Variants in RGL4 observed in about 807,000 individuals in gnomAD.
RGL4 encodes the protein ral-GDS-related protein.
Under a neutral mutation model 49.6 loss-of-function variants are expected in RGL4, and 41 were observed. The ratio of observed to expected loss-of-function variants is 0.83; its 90% CI spans 0.64 to 1.07. The LOEUF is 1.07. RGL4 is among the 50% of genes least tolerant of loss of function. The pLI, the probability that RGL4 is intolerant of heterozygous loss-of-function variation, is 0.00. For synonymous variants in RGL4, 255 were observed against 238.0 expected (o/e 1.07, Z -0.66); for missense variants, 610 against 591.9 (o/e 1.03, Z -0.32).
At chr22:23,698,603 A>G (rs1162882336) in intron 10 of RGL4, 3 of 728,240 alleles carry the variant, frequency 4.1e-6, no homozygotes, top group South Asian at 1.5e-5. Flanking sequence ...CCTGGCCTCA[A>G]GCAATCCACC....
At position 23,692,692 on chromosome 22, in the gene RGL4, C is replaced by G; in HGVS notation, c.397C>G (p.His133Asp). The G allele has an allele frequency of 6.2e-7, 1 of 1,608,096 alleles. No homozygotes were observed. The change falls in exon 3 of 11, where the codon CAC becomes GAC. Residue 133 changes from histidine to aspartate, a missense_variant. Transcript: ENST00000290691. Reference protein sequence around the residue: ...PDDPAPRPGQHALTMPALEPA... With the variant: ...PDDPAPRPGQDALTMPALEPA... ...AGATCCTGCTCCACGTCCTGGGCAA[C>G]ACGCATTAACAATGCCGGCCCTGGA...
In RGL4 at chr22:23,698,904, G is replaced by T. The variant is rs1351084045; in HGVS notation, c.*21G>T. The stretch of plus-strand genomic sequence containing the variant: ...CGTAGGCTGGCAACATCCTGCAGTG[G>T]CTGGGAACCCACCGGGATGCTGGCC... On this transcript the variant is annotated 3_prime_UTR_variant, in exon 11 of 11. Coordinates refer to ENST00000290691, the MANE Select transcript of RGL4 (RefSeq NM_153615.2). 1 of 1,611,928 alleles carries T rather than the reference G, an allele frequency of 6.2e-7. No homozygotes were observed. The highest frequency in any genetic ancestry group is 8.5e-7 in the Non-Finnish European group (1 of 1,179,144).
chr22:23,693,440 T>C lies in RGL4; in HGVS notation c.697-319T>C, dbSNP rs577696512. Among the ~76,000 whole-genome samples, 50 of 152,232 alleles carry C rather than the reference T, an allele frequency of 3.3e-4. 1 individual carries two copies. Among genetic ancestry groups the C allele is most frequent in the African/African-American group, 1.2e-3 (49 of 41,552 alleles). On this transcript the variant is annotated intron_variant, in intron 3 of 10. Transcript: ENST00000290691. Reference sequence around the variant, plus strand: ...AGGAGTAGTAGAGGGCTGATTGGGATGGGAGGAAGACGAGGCCTCAGGATG... The same window carrying C: ...AGGAGTAGTAGAGGGCTGATTGGGACGGGAGGAAGACGAGGCCTCAGGATG...
Position 23,698,269 on chromosome 22 carries a change from C to T in RGL4, c.1318C>T (p.Leu440Phe). 9.3e-6 allele frequency: 15 copies of T among 1,612,368 alleles called. No homozygotes were observed. Among genetic ancestry groups the T allele is most frequent in the Non-Finnish European group, 1.3e-5 (15 of 1,178,500 alleles). Residue 440 changes from leucine to phenylalanine, a missense_variant, in exon 10 of 11, where the codon CTT becomes TTT. By Grantham distance (22) the Leu-to-Phe change is conservative. Coordinates refer to ENST00000290691, the MANE Select transcript of RGL4 (RefSeq NM_153615.2). Reference sequence around the variant, plus strand: ...CCAAGTGGCTGCCATGAATTACAGGCTTCGGCCTCTTGAGAAATTTGTCAC... The same window carrying T: ...CCAAGTGGCTGCCATGAATTACAGGTTTCGGCCTCTTGAGAAATTTGTCAC... ...LLQVAAMNYR[L>F]RPLEKFVTYF...
In RGL4 at chr22:23,698,260, A is replaced by G. The variant is rs557255955; in HGVS notation, c.1309A>G (p.Asn437Asp). The G allele has an allele frequency of 5.0e-6, 8 of 1,612,246 alleles. No homozygotes were observed. In the South Asian group the frequency reaches 7.7e-5, roughly 15 times the overall value. The change falls in exon 10 of 11, where the codon AAT (asparagine) becomes GAT (aspartate). Residue 437 changes from asparagine to aspartate, a missense_variant. By Grantham distance (23) the Asn-to-Asp change is conservative (BLOSUM62 1). Transcript: ENST00000290691. ...EMQLLQVAAMNYRLRPLEKFV... is the reference protein window; with the variant it reads ...EMQLLQVAAMDYRLRPLEKFV... The stretch of plus-strand genomic sequence containing the variant: ...GCAGCTGCTCCAAGTGGCTGCCATG[A>G]ATTACAGGCTTCGGCCTCTTGAGAA...
At chr22:23,694,575 C>A in intron 5 of RGL4, 125 bp downstream of exon 5, 1 of 715,778 alleles carries the variant, frequency 1.4e-6, no homozygotes, top group Non-Finnish European at 2.5e-6. Flanking sequence ...AGGGATGGGC[C>A]GGTGGCTGTG....
At position 23,698,156 on chromosome 22, in the gene RGL4, G is replaced by A. The variant is rs1923632998; in HGVS notation, c.1261-56G>A. On this transcript the variant is annotated intron_variant, in intron 9 of 10. Coordinates refer to ENST00000290691, the MANE Select transcript of RGL4 (RefSeq NM_153615.2). ...CAGCCCCTTCTCCCTGCCTGCCAAA[G>A]GCCCCCACAGCAACTTCCACCCAGG... 23 of 1,572,918 alleles carry A rather than the reference G, an allele frequency of 1.5e-5. No homozygotes were observed. The South Asian group carries it at 2.1e-4, about 14-fold the overall frequency.
At chr22:23,694,789 G>T in intron 5 of RGL4, 161 bp from the exon 6 acceptor site, 1 of 656,424 alleles carries the variant, frequency 1.5e-6, no homozygotes, top group Non-Finnish European at 2.7e-6. Context: ...GAGCATGAGA[G>T]GTCCCACCCT....
rs1923190623 is a variant in RGL4 at position 23,692,332 on chromosome 22, C to A, written c.180-3C>A. ...CTGACTCAGCTGTCTACTCCATCAC[C>A]AGCACCATCACCTCCATTTTGTTCA... On this transcript the variant is annotated splice_polypyrimidine_tract_variant and splice_region_variant and intron_variant, in intron 1 of 10. Transcript: ENST00000290691. 6 of 1,613,868 alleles carry A rather than the reference C, an allele frequency of 3.7e-6. No individual in the cohort carries two copies. The highest frequency in any genetic ancestry group is 5.1e-6 in the Non-Finnish European group (6 of 1,179,832).
chr22:23,696,792 C>G (rs1171870502), intron 7 of RGL4, 104 bp downstream of exon 7: 20 of 965,070 alleles, frequency 2.1e-5, no homozygotes, highest in African/African-American at 3.3e-5. Flanking sequence ...GGCTTCCTCC[C>G]CAGCCCTGTC....
In RGL4 at chr22:23,693,547, G is replaced by A. The variant is rs150156973; in HGVS notation, c.697-212G>A. Reference sequence around the variant, plus strand: ...CACTCTCTCTTCCCACCCTTGTTGGGTTCTAGGCCATGATGCATTCAGGTC... The same window carrying A: ...CACTCTCTCTTCCCACCCTTGTTGGATTCTAGGCCATGATGCATTCAGGTC... On this transcript the variant is annotated intron_variant, in intron 3 of 10. Coordinates refer to ENST00000290691, the MANE Select transcript of RGL4 (RefSeq NM_153615.2). 4.2e-3 allele frequency among the ~76,000 whole-genome samples: 632 copies of A among 152,246 alleles called. 5 individuals carry two copies. The highest frequency in any genetic ancestry group is 0.015 in the African/African-American group (608 of 41,544).
intron 3 of RGL4, 47 bp downstream of exon 3, chr22:23,693,038 C>A: frequency 6.5e-7 from 1 of 1,535,820 alleles, no homozygotes; most frequent in South Asian, 1.2e-5. Flanking sequence ...CCAGCTGTCT[C>A]AGACCAGCCT....
Position 23,693,152 on chromosome 22 carries a change from A to G in RGL4, c.696+161A>G, listed in dbSNP as rs1423679665. The G allele has an allele frequency of 3.1e-6, 4 of 1,278,182 alleles. No individual in the cohort carries two copies. The African/African-American group carries it at 4.5e-5, about 14-fold the overall frequency. 79.2% of individuals were successfully genotyped at this position (1,278,182 alleles called of 1,614,324 possible). On this transcript the variant is annotated intron_variant, in intron 3 of 10. Coordinates refer to ENST00000290691, the MANE Select transcript of RGL4 (RefSeq NM_153615.2). ...TCACCCACAAGCCTTCCCTGTCTGCATGTGGACGGCAGAGATGGGACATCA... is the reference window on the plus strand; with the variant it reads ...TCACCCACAAGCCTTCCCTGTCTGCGTGTGGACGGCAGAGATGGGACATCA...
intron 9 of RGL4, 116 bp downstream of exon 9, chr22:23,697,977 TGA>T: frequency 7.5e-7 from 1 of 1,330,918 alleles, no homozygotes; most frequent in African/African-American, 1.5e-5. Flanking sequence ...TGGGAGTGTT[TGA>T]CACACACAGG....
chr22:23,695,046 A>C lies in RGL4; in HGVS notation c.1086+27A>C, dbSNP rs760706175. 8 of 1,538,282 alleles carry C rather than the reference A, an allele frequency of 5.2e-6. No individual in the cohort carries two copies. In the East Asian group the frequency reaches 1.8e-4, roughly 35 times the overall value. ...TACAGTGGAGTCTGGGAGATGCAGG[A>C]CAAGTGTTTAAGGGTCAGAGAAAAG... On this transcript the variant is annotated intron_variant, in intron 6 of 10. Coordinates refer to ENST00000290691, the MANE Select transcript of RGL4 (RefSeq NM_153615.2).
At chr22:23,697,988 G>T in intron 9 of RGL4, 127 bp downstream of exon 9, 1 of 1,257,944 alleles carries the variant, frequency 7.9e-7, no homozygotes, top group East Asian at 2.5e-5. Context: ...GACACACACA[G>T]GAGGAGGGGA....
chr22:23,696,536 ATCCAAGTGCGGGGTGGCTGGGGTG>A, intron 6 of RGL4, 54 bp from the exon 7 acceptor site: 1 of 1,606,392 alleles, frequency 6.2e-7, no homozygotes, highest in Non-Finnish European at 8.5e-7. Flanking sequence ...CTCCCTGGGG[ATCCAAGTGCGGGGTGGCTGGGGTG>A]TAACTGGGGG....
At chr22:23,698,807 C>A in intron 10 of RGL4, 37 bp from the exon 11 acceptor site, 1 of 1,591,518 alleles carries the variant, frequency 6.3e-7, no homozygotes, top group Non-Finnish European at 8.6e-7. Flanking sequence ...TGATGTGTGG[C>A]TCATGGTGGC....
intron 9 of RGL4, 45 bp from the exon 10 acceptor site, chr22:23,698,167 C>T: frequency 6.3e-7 from 1 of 1,578,078 alleles, no homozygotes. Flanking sequence ...GCCCCCACAG[C>T]AACTTCCACC....
Sources: allele counts gnomAD v4.1 joint callset (sites outside exome capture counted in the v4.1 genomes callset), GRCh38; gene constraint gnomAD v4.1.1; transcripts MANE v1.5; gene names NCBI Gene and HGNC (gene_info 2026-07-23, HGNC 2026-07-21).